ZNF69: variants seen among roughly 807,000 people sequenced by gnomAD.
ZNF69 encodes the protein zinc finger protein 69, also known as ZNF3.
A neutral mutation model predicts 50.9 loss-of-function variants in ZNF69; 47 were observed. The observed-to-expected ratio is 0.92, with a 90% confidence interval of 0.73 to 1.18. ZNF69 has a LOEUF of 1.18. ZNF69 is among the 50% of genes most tolerant of loss of function. ZNF69 has a pLI of 0.00. For missense variants in ZNF69, 717 were observed against 675.1 expected (o/e 1.06, Z -0.69); for synonymous variants, 216 against 223.1 (o/e 0.97, Z 0.29).
chr19:11,905,611 A>G lies in ZNF69; in HGVS notation c.1214A>G (p.Tyr405Cys), dbSNP rs777324198. 8 of 1,613,294 alleles carry G rather than the reference A, an allele frequency of 5.0e-6. No homozygotes were observed. In the South Asian group the frequency reaches 7.7e-5, roughly 16 times the overall value. The change falls in exon 4 of 4, where the codon TAT becomes TGT. Residue 405 changes from tyrosine to cysteine, a missense_variant. By Grantham distance (194) the Tyr-to-Cys change is radical. Transcript: ENST00000429654. ...KAFIHSSSLR[Y>C]HERIHTGEKP... ...TTCATTCATTCCAGTTCCCTTCGTT[A>G]TCATGAAAGGATTCACACTGGAGAG...
chr19:11,918,033 G>A (rs1474100409), downstream of ZNF69, among the ~76,000 whole-genome samples: 2 of 151,982 alleles, frequency 1.3e-5, no homozygotes, highest in Admixed American at 6.6e-5. Context: ...TGATCCACCC[G>A]CCTCGGCCTC....
At chr19:11,961,606 A>G in the ZNF69 span, 2 of 141,828 alleles carry the variant, frequency 1.4e-5, no homozygotes, top group Non-Finnish European at 3.0e-5. Context: ...GCTAGGGACA[A>G]AAAGGAAACT....
At chr19:11,937,778 G>A in the ZNF69 span, among the ~76,000 whole-genome samples, 8 of 152,036 alleles carry the variant, frequency 5.3e-5, no homozygotes, top group East Asian at 1.2e-3. Context: ...GTGAGCCACC[G>A]CACCTGGCCT....
the ZNF69 span, chr19:11,965,140 T>A: frequency 6.2e-7 from 1 of 1,610,080 alleles, no homozygotes. Flanking sequence ...TCGCTCTGTC[T>A]CCTGCGCTGT....
chr19:11,978,987 C>T, the ZNF69 span: 2 of 1,614,022 alleles, frequency 1.2e-6, no homozygotes, highest in African/African-American at 2.7e-5. Context: ...TCCCAGTTCC[C>T]TTCGTAGACA....
At chr19:11,968,256 ATT>A in the ZNF69 span, among the ~76,000 whole-genome samples, 11,851 of 149,456 alleles carry the variant, frequency 0.079, 824 homozygotes, top group African/African-American at 0.19. Context: ...CAATAATTTA[ATT>A]TTTTTTTTTC....
At chr19:11,969,181 T>G in the ZNF69 span, among the ~76,000 whole-genome samples, 2 of 152,240 alleles carry the variant, frequency 1.3e-5, no homozygotes, top group Non-Finnish European at 2.9e-5. Context: ...CTCAGCTCAC[T>G]GCAGCCTCTG....
At chr19:11,926,990 G>A in the ZNF69 span, among the ~76,000 whole-genome samples, 1 of 152,156 alleles carries the variant, frequency 6.6e-6, no homozygotes, top group African/African-American at 2.4e-5. Context: ...GACCCCAGGA[G>A]AGTTCTTGAA....
chr19:11,910,374 A>G (rs1972439872), downstream of ZNF69, among the ~76,000 whole-genome samples: 1 of 152,218 alleles, frequency 6.6e-6, no homozygotes, highest in Non-Finnish European at 1.5e-5. Flanking sequence ...GACAATCCTA[A>G]GCCAAAAGAA....
Position 11,887,815 on chromosome 19 carries a change from C to CTTACCTCAAA in ZNF69, c.-101_-100insAATTACCTCA. On this transcript the variant is annotated 5_prime_UTR_variant, in exon 1 of 4. Transcript: ENST00000429654. ...TCCAGACACTGAGGGGGTCGCATTCCTTACCTCACCTTTGTCCCTGCGCGG... is the reference window on the plus strand; with the variant it reads ...TCCAGACACTGAGGGGGTCGCATTCCTTACCTCAAATTACCTCACCTTTGTCCCTGCGCGG... 2.2e-6 allele frequency: 2 copies of CTTACCTCAAA among 926,666 alleles called. No homozygotes were observed. Among genetic ancestry groups the CTTACCTCAAA allele is most frequent in the South Asian group, 3.0e-5 (2 of 67,712 alleles). The allele number at this position is 926,666 out of a possible 1,614,324, so 57.4% of individuals were successfully genotyped here.
chr19:11,947,392 A>G, the ZNF69 span: 4 of 1,606,696 alleles, frequency 2.5e-6, no homozygotes, highest in African/African-American at 4.0e-5. Flanking sequence ...TTTTGAACAT[A>G]GACAGGAAAT....
chr19:11,918,977 C>T (rs558100469), downstream of ZNF69, among the ~76,000 whole-genome samples: 27 of 151,650 alleles, frequency 1.8e-4, no homozygotes, highest in East Asian at 3.9e-3. Context: ...CTCACTGCAA[C>T]CTCCGCCTCC....
At chr19:11,953,644 ACT>A in the ZNF69 span, among the ~76,000 whole-genome samples, 30 of 152,240 alleles carry the variant, frequency 2.0e-4, no homozygotes, top group African/African-American at 6.3e-4. Flanking sequence ...CAAGACTAAA[ACT>A]CTTCACAAAG....
the ZNF69 span, among the ~76,000 whole-genome samples, chr19:11,925,661 T>C: frequency 6.6e-6 from 1 of 152,218 alleles, no homozygotes; most frequent in East Asian, 1.9e-4. Flanking sequence ...CCCCACTTTC[T>C]CCTGTTAAAA....
At chr19:11,939,662 C>T in the ZNF69 span, among the ~76,000 whole-genome samples, 1 of 152,128 alleles carries the variant, frequency 6.6e-6, no homozygotes, top group Non-Finnish European at 1.5e-5. Flanking sequence ...AGTTCCACCA[C>T]GTTGGCCAGG....
At chr19:11,950,034 CAGA>C in the ZNF69 span, 5 of 1,614,072 alleles carry the variant, frequency 3.1e-6, no homozygotes, top group East Asian at 2.2e-5. Context: ...AAAGGAAGCA[CAGA>C]GGAGAGAAGC....
chr19:11,899,534 T>C (rs572004240), intron 1 of ZNF69, among the ~76,000 whole-genome samples: 13 of 152,216 alleles, frequency 8.5e-5, no homozygotes, highest in Non-Finnish European at 1.3e-4. Context: ...GTGTGATGCC[T>C]CATCCCTGAG....
the ZNF69 span, among the ~76,000 whole-genome samples, chr19:11,926,310 C>A: frequency 6.6e-6 from 1 of 152,306 alleles, no homozygotes; most frequent in South Asian, 2.1e-4. Context: ...CACCTCCCAT[C>A]CTGTCATACA....
chr19:11,906,975 G>C (rs1401521525), downstream of ZNF69, among the ~76,000 whole-genome samples: 1 of 152,166 alleles, frequency 6.6e-6, no homozygotes, highest in Non-Finnish European at 1.5e-5. Flanking sequence ...GTGTAGAGAA[G>C]ACCTTAAATG....
Sources: gnomAD v4.1 joint callset for allele counts (sites outside exome capture counted in the v4.1 genomes callset) on GRCh38, gnomAD v4.1.1 for gene constraint, MANE v1.5 for transcripts, NCBI Gene and HGNC (gene_info 2026-07-23, HGNC 2026-07-21) for gene names.